Variants in MBD5 observed in about 807,000 individuals in gnomAD.
MBD5 encodes methyl-CpG binding domain protein 5, also known as methyl-CpG-binding domain protein 5.
In MBD5, 13 loss-of-function variants were observed where a neutral mutation model predicts 117.3. The ratio of observed to expected loss-of-function variants is 0.11; its 90% CI spans 0.07 to 0.18. The LOEUF is 0.18. Ranked by LOEUF, MBD5 falls within the 10% of genes least tolerant of loss-of-function variation. The pLI, the probability that MBD5 is intolerant of heterozygous loss-of-function variation, is 1.00. For synonymous variants in MBD5, 727 were observed against 766.4 expected, an observed-to-expected ratio of 0.95 and a Z score of 0.85; for missense variants, 1,879 against 2,093.8, an observed-to-expected ratio of 0.90 and a Z score of 2.00.
At chr2:148,098,746 G>A (rs996119767) in intron 1 of MBD5, among the ~76,000 whole-genome samples, 1 of 152,012 alleles carries the variant, frequency 6.6e-6, no homozygotes, top group African/African-American at 2.4e-5. Flanking sequence ...ATTGATGTAG[G>A]GGTTAGGAAG....
chr2:148,489,719 A>C lies in MBD5; in HGVS notation c.4087A>C (p.Ile1363Leu), dbSNP rs138376217. Residue 1363 changes from isoleucine to leucine, a missense_variant, in exon 11 of 14, where the codon ATT becomes CTT. Ile to Leu is a conservative substitution (Grantham distance 5, BLOSUM62 2). This residue lies in a region of MBD5 where 1,666 missense variants were observed against 1,792.2 expected (regional missense o/e 0.93). Transcript: ENST00000642680. ...LSAMSAFTAS[I>L]GDPLNLSSAV... ...TGCCATGAGTGCCTTCACTGCCTCAATTGGTGACCCATTAAATCTCTCCAG... is the reference window on the plus strand; with the variant it reads ...TGCCATGAGTGCCTTCACTGCCTCACTTGGTGACCCATTAAATCTCTCCAG... 3 of 1,614,214 alleles carry C rather than the reference A, an allele frequency of 1.9e-6. No homozygotes were observed. Among genetic ancestry groups the C allele is most frequent in the East Asian group, 2.2e-5 (1 of 44,874 alleles).
At chr2:148,476,659 A>T (rs1181266829) in intron 8 of MBD5, among the ~76,000 whole-genome samples, 1 of 152,206 alleles carries the variant, frequency 6.6e-6, no homozygotes, top group Non-Finnish European at 1.5e-5. Flanking sequence ...GTTGCACCCC[A>T]CTAATAGATC....
intron 1 of MBD5, among the ~76,000 whole-genome samples, chr2:148,128,439 T>C (rs1441829994): frequency 6.6e-6 from 1 of 152,216 alleles, no homozygotes; most frequent in Non-Finnish European, 1.5e-5. Context: ...CAAACAGTTG[T>C]CCAAGGTCAC....
intron 2 of MBD5, among the ~76,000 whole-genome samples, chr2:148,179,332 GTGA>G (rs1044543299): frequency 1.3e-5 from 2 of 150,122 alleles, no homozygotes; most frequent in African/African-American, 4.9e-5. Context: ...TCCAGCCTGG[GTGA>G]CAGAGCGAGA....
chr2:148,324,806 C>G lies in MBD5; in HGVS notation c.-679-17408C>G, dbSNP rs577022727. On this transcript the variant is annotated intron_variant, in intron 3 of 13. Coordinates refer to ENST00000642680, the MANE Select transcript of MBD5 (RefSeq NM_001378120.1). ...CAGGGACAATTTGACTTCCTCTTTT[C>G]CTAATTGAATACCCTTTATTTCCTT... 3.3e-3 allele frequency among the ~76,000 whole-genome samples: 497 copies of G among 152,178 alleles called. 6 individuals are homozygous for G. Among genetic ancestry groups the G allele is most frequent in the African/African-American group, 0.011 (469 of 41,506 alleles).
intron 1 of MBD5, among the ~76,000 whole-genome samples, chr2:148,079,911 G>C (rs1695606420): frequency 6.6e-6 from 1 of 151,386 alleles, no homozygotes; most frequent in Non-Finnish European, 1.5e-5. Flanking sequence ...ACAAAAACTT[G>C]CTTTTACCCA....
intron 1 of MBD5, among the ~76,000 whole-genome samples, chr2:148,090,166 A>G (rs1390110580): frequency 1.3e-5 from 2 of 152,082 alleles, no homozygotes; most frequent in Admixed American, 1.3e-4. Context: ...CAGAAAAATA[A>G]CAACTAGCGA....
chr2:148,149,754 G>C (rs1427501928), intron 1 of MBD5, among the ~76,000 whole-genome samples: 1 of 152,100 alleles, frequency 6.6e-6, no homozygotes, highest in Non-Finnish European at 1.5e-5. Flanking sequence ...AGAAGTGTCT[G>C]TTCATGTCCT....
intron 1 of MBD5, among the ~76,000 whole-genome samples, chr2:148,174,483 C>T (rs1424877066): frequency 6.6e-6 from 1 of 151,808 alleles, no homozygotes. Context: ...AGCTTCTGTA[C>T]AGCAAAAGAA....
intron 3 of MBD5, among the ~76,000 whole-genome samples, chr2:148,341,478 T>A (rs1702946077): frequency 6.6e-6 from 1 of 152,054 alleles, no homozygotes; most frequent in Non-Finnish European, 1.5e-5. Flanking sequence ...TAAGTGAGGA[T>A]TAAATTAGGT....
At chr2:148,207,455 C>CAAAA (rs3076428) in intron 2 of MBD5, among the ~76,000 whole-genome samples, 44 of 145,336 alleles carry the variant, frequency 3.0e-4, no homozygotes, top group African/African-American at 1.0e-3. Flanking sequence ...AAAAAAAGGA[C>CAAAA]AAAAAAAAAA....
chr2:148,448,174 T>C (rs1398053613), intron 4 of MBD5, among the ~76,000 whole-genome samples: 2 of 152,156 alleles, frequency 1.3e-5, no homozygotes, highest in African/African-American at 4.8e-5. Context: ...ATTCCTGATA[T>C]GTGAGCTACA....
intron 3 of MBD5, among the ~76,000 whole-genome samples, chr2:148,300,850 G>C (rs994553453): frequency 1.3e-5 from 2 of 152,176 alleles, no homozygotes; most frequent in Non-Finnish European, 2.9e-5. Flanking sequence ...TGAAGTAGCA[G>C]TAGCAGCTAC....
intron 3 of MBD5, chr2:148,244,418 T>C (rs1319991199): frequency 6.6e-6 from 1 of 152,140 alleles, no homozygotes; most frequent in Non-Finnish European, 1.5e-5. Flanking sequence ...ACTTTGCATG[T>C]GTATAAGAAG....
At chr2:148,110,042 T>C (rs1171325086) in intron 1 of MBD5, among the ~76,000 whole-genome samples, 1 of 152,228 alleles carries the variant, frequency 6.6e-6, no homozygotes, top group Non-Finnish European at 1.5e-5. Flanking sequence ...ATATTTACTT[T>C]GTTGTCATTT....
At chr2:148,226,662 G>C (rs1659619494) in intron 2 of MBD5, among the ~76,000 whole-genome samples, 1 of 152,098 alleles carries the variant, frequency 6.6e-6, no homozygotes, top group East Asian at 1.9e-4. Context: ...GGTATTTCTA[G>C]TTCTAGATCC....
At chr2:148,444,614 A>G (rs543390773) in intron 4 of MBD5, among the ~76,000 whole-genome samples, 1 of 151,340 alleles carries the variant, frequency 6.6e-6, no homozygotes, top group South Asian at 2.1e-4. Context: ...TCATTTGCAA[A>G]GATTAGGCGA....
intron 3 of MBD5, among the ~76,000 whole-genome samples, chr2:148,237,334 C>T (rs955743635): frequency 3.3e-5 from 5 of 152,186 alleles, no homozygotes; most frequent in African/African-American, 1.2e-4. Context: ...GTCTTCCTTA[C>T]AGTGCTTCAT....
At chr2:148,197,299 AG>A (rs1487011174) in intron 2 of MBD5, among the ~76,000 whole-genome samples, 1 of 152,184 alleles carries the variant, frequency 6.6e-6, no homozygotes, top group Non-Finnish European at 1.5e-5. Flanking sequence ...TTCAGTTCCC[AG>A]CCTTAAAGGT....
Sources: gnomAD v4.1 joint callset for allele counts (sites outside exome capture counted in the v4.1 genomes callset) on GRCh38, gnomAD v4.1.1 for gene constraint, gnomAD v4.1.1 regional missense constraint, MANE v1.5 for transcripts, NCBI Gene and HGNC (gene_info 2026-07-23, HGNC 2026-07-21) for gene names.